Variants in COL4A1 observed in about 807,000 individuals in gnomAD.
The protein encoded by COL4A1 is collagen type IV alpha 1 chain.
Under a neutral mutation model 216.6 loss-of-function variants are expected in COL4A1, and 40 were observed. That is an observed-to-expected ratio of 0.18 (90% confidence interval 0.14 to 0.24). The LOEUF is 0.24. Among genes scored for constraint, COL4A1 ranks in the 10% least tolerant of loss-of-function variants. The probability of loss-of-function intolerance (pLI) is 1.00; values close to 1 mark genes in which losing one functional copy is unlikely to be tolerated. For synonymous variants in COL4A1, 839 were observed against 810.7 expected, an observed-to-expected ratio of 1.03 and a Z score of -0.59; for missense variants, 1,628 against 2,196.8, an observed-to-expected ratio of 0.74 and a Z score of 5.18.
chr13:110,304,062 T>G (rs756228498), intron 1 of COL4A1, among the ~76,000 whole-genome samples: 10 of 152,206 alleles, frequency 6.6e-5, no homozygotes, highest in Non-Finnish European at 8.8e-5. Flanking sequence ...CATTGATAAT[T>G]CTGTGAATCT....
At position 110,186,462 on chromosome 13, in the gene COL4A1, C is replaced by G. The variant is rs148781420; in HGVS notation, c.1820G>C (p.Gly607Ala). 6.2e-7 allele frequency: 1 copy of G among 1,613,812 alleles called. No homozygotes were observed. Among genetic ancestry groups the G allele is most frequent in the South Asian group, 1.1e-5 (1 of 91,072 alleles). The change falls in exon 26 of 52, where the codon GGA (glycine) becomes GCA (alanine). Residue 607 changes from glycine (G) to alanine (A), a missense_variant. Gly to Ala is a moderately conservative substitution (Grantham distance 60). Coordinates refer to ENST00000375820, the MANE Select transcript of COL4A1 (RefSeq NM_001845.6). ...RGDTGPPGPP[G>A]YGPAGPIGDK... Reference sequence around the variant, plus strand: ...ACCAATGGGACCAGCAGGACCATATCCTGGAGGCCCAGGGGGGCCGGTGTC... The same window carrying G: ...ACCAATGGGACCAGCAGGACCATATGCTGGAGGCCCAGGGGGGCCGGTGTC...
chr13:110,221,209 G>C (rs675605), intron 2 of COL4A1, among the ~76,000 whole-genome samples: 108,708 of 152,104 alleles, frequency 0.71, 38,981 homozygotes, highest in Middle Eastern at 0.82. Flanking sequence ...TCCAAAGCTA[G>C]AAGGCGATGG....
chr13:110,153,496 C>A (rs1215211362), intron 50 of COL4A1, among the ~76,000 whole-genome samples: 1 of 152,224 alleles, frequency 6.6e-6, no homozygotes, highest in Non-Finnish European at 1.5e-5. Context: ...CTCAATGCAA[C>A]TGTGGGCTTT....
chr13:110,260,133 G>A (rs1882755803), intron 1 of COL4A1, among the ~76,000 whole-genome samples: 1 of 152,100 alleles, frequency 6.6e-6, no homozygotes, highest in Non-Finnish European at 1.5e-5. Flanking sequence ...CCAAGACTGG[G>A]TAATTTATAA....
Position 110,198,078 on chromosome 13 carries a change from G to GTGTGTGTGTGT in COL4A1, c.1285+388_1285+389insACACACACACA, listed in dbSNP as rs1555305317. Among the ~76,000 whole-genome samples the GTGTGTGTGTGT allele has an allele frequency of 3.0e-3, 426 of 141,928 alleles. 2 individuals carry two copies. The highest frequency in any genetic ancestry group is 9.7e-3 in the East Asian group (46 of 4,742). The allele number at this position is 141,928 out of a possible 152,430, so 93.1% of individuals were successfully genotyped here. A position where few individuals can be genotyped will look rare whatever the true frequency, so the allele number is the denominator to read the frequency against. On this transcript the variant is annotated intron_variant, in intron 21 of 51. Coordinates refer to ENST00000375820, the MANE Select transcript of COL4A1 (RefSeq NM_001845.6). ...GTAATCCTGTCTTCCTTGTTTCTGGGGTGTGTGTGTGTGTGTGTGTGTGTG... is the reference window on the plus strand; with the variant it reads ...GTAATCCTGTCTTCCTTGTTTCTGGGTGTGTGTGTGTGTGTGTGTGTGTGTGTGTGTGTGTG...
chr13:110,247,193 TATA>T (rs1195257496), intron 1 of COL4A1, among the ~76,000 whole-genome samples: 2 of 152,030 alleles, frequency 1.3e-5, no homozygotes, highest in Admixed American at 6.6e-5. Flanking sequence ...GCCTACAGAG[TATA>T]ATAAGTTGTC....
chr13:110,252,540 G>A (rs1435458910), intron 1 of COL4A1, among the ~76,000 whole-genome samples: 2 of 8,390 alleles, frequency 2.4e-4, no homozygotes, highest in African/African-American at 6.8e-4. Flanking sequence ...ACGTATATAT[G>A]TATTATATAT....
rs747439949 is a variant in COL4A1, at chr13:110,176,601, T to C, written c.2968+25A>G. 3.7e-6 allele frequency: 6 copies of C among 1,608,538 alleles called. No individual in the cohort carries two copies. The Admixed American group carries it at 1.0e-4, about 27-fold the overall frequency. ...GCCTCATCCTGAGCCCTTGCCACAC[T>C]GGGGACCGGAGCTCCACACTGTACC... On this transcript the variant is annotated intron_variant, in intron 35 of 51. Coordinates refer to ENST00000375820, the MANE Select transcript of COL4A1 (RefSeq NM_001845.6).
At chr13:110,195,979 G>A (rs1878869211) in intron 21 of COL4A1, among the ~76,000 whole-genome samples, 1 of 152,186 alleles carries the variant, frequency 6.6e-6, no homozygotes, top group South Asian at 2.1e-4. Flanking sequence ...GCCCCAGGGT[G>A]TGGAGTGGGG....
intron 1 of COL4A1, among the ~76,000 whole-genome samples, chr13:110,300,098 A>G (rs1884432756): frequency 6.6e-6 from 1 of 152,212 alleles, no homozygotes; most frequent in Non-Finnish European, 1.5e-5. Context: ...TAATAGCCAA[A>G]TCTTCCACCA....
chr13:110,220,350 C>T (rs568601311), intron 2 of COL4A1, among the ~76,000 whole-genome samples: 74 of 152,258 alleles, frequency 4.9e-4, no homozygotes, highest in African/African-American at 1.6e-3. Context: ...CACTGGCCTA[C>T]GTTAGGCAAA....
rs1878692523 is a variant in COL4A1, at chr13:110,192,692, G to T, written c.1465+138C>A. 8.9e-6 allele frequency: 6 copies of T among 677,594 alleles called. No homozygotes were observed. In the East Asian group the frequency reaches 1.6e-4, roughly 18 times the overall value. 42.0% of individuals were successfully genotyped at this position (677,594 alleles called of 1,614,324 possible). On this transcript the variant is annotated intron_variant, in intron 23 of 51. Coordinates refer to ENST00000375820, the MANE Select transcript of COL4A1 (RefSeq NM_001845.6). The stretch of plus-strand genomic sequence containing the variant: ...AATGTGGACAAATCCTGGAAGTGGG[G>T]CCCAACATTCTTCTGATTATGCTTT...
chr13:110,211,981 G>A lies in COL4A1; in HGVS notation c.388-59C>T, dbSNP rs1482363201. 5 of 1,474,722 alleles carry A rather than the reference G, an allele frequency of 3.4e-6. No homozygotes were observed. Among genetic ancestry groups the A allele is most frequent in the Non-Finnish European group, 4.7e-6 (5 of 1,052,988 alleles). The allele number at this position is 1,474,722 out of a possible 1,614,324, so 91.4% of individuals were successfully genotyped here. On this transcript the variant is annotated intron_variant, in intron 6 of 51. Transcript: ENST00000375820. This position sits in a 1 kb window ranked among gnomAD's most constrained non-coding sequence, Gnocchi z 4.3. ...TGTGTGTGGCAGACACATCAGCCCT[G>A]ACATCGCATGCATCACTCTGCCCTA...
Position 110,149,415 on chromosome 13 carries a change from T to G in COL4A1, c.*948A>C, listed in dbSNP as rs1404497962. 1 of 154,532 alleles carries G rather than the reference T, an allele frequency of 6.5e-6. No individual in the cohort carries two copies. Among genetic ancestry groups the G allele is most frequent in the Non-Finnish European group, 1.5e-5 (1 of 68,228 alleles). 9.6% of individuals were successfully genotyped at this position (154,532 alleles called of 1,614,324 possible). On this transcript the variant is annotated 3_prime_UTR_variant, in exon 52 of 52. Coordinates refer to ENST00000375820, the MANE Select transcript of COL4A1 (RefSeq NM_001845.6). Reference sequence around the variant, plus strand: ...GAAGTCAAGTCATTCAGTTTGTGATTAGTGTTTAAAACCCTGAAAATATTT... The same window carrying G: ...GAAGTCAAGTCATTCAGTTTGTGATGAGTGTTTAAAACCCTGAAAATATTT...
chr13:110,152,447 C>T lies in COL4A1; in HGVS notation c.4815G>A (p.Leu1605=). Residue 1605 remains leucine (L), a synonymous_variant, in exon 51 of 52, where the codon CTG becomes CTA. Coordinates refer to ENST00000375820, the MANE Select transcript of COL4A1 (RefSeq NM_001845.6). The stretch of plus-strand genomic sequence containing the variant: ...TGAATGGCGCACTTCTAAACTCCTC[C>T]AGGCAGGAGCCGGGGGACGCCAGGG... ...GQALASPGSC[L]EEFRSAPFIE... 6.2e-7 allele frequency: 1 copy of T among 1,614,156 alleles called. No homozygotes were observed. The highest frequency in any genetic ancestry group is 8.5e-7 in the Non-Finnish European group (1 of 1,180,044).
chr13:110,257,949 A>C (rs1882651814), intron 1 of COL4A1, among the ~76,000 whole-genome samples: 1 of 152,262 alleles, frequency 6.6e-6, no homozygotes, highest in African/African-American at 2.4e-5. Context: ...TGGAAAATAT[A>C]ATTCATTCCA....
intron 1 of COL4A1, among the ~76,000 whole-genome samples, chr13:110,249,655 G>A (rs1881990112): frequency 6.6e-6 from 1 of 152,154 alleles, no homozygotes; most frequent in Admixed American, 6.6e-5. Context: ...TCCGTAGTCT[G>A]GGTTCACTGC....
At chr13:110,230,332 G>A (rs1172795203) in intron 2 of COL4A1, among the ~76,000 whole-genome samples, 3 of 151,950 alleles carry the variant, frequency 2.0e-5, no homozygotes, top group South Asian at 2.1e-4. Flanking sequence ...GTGCATGCAC[G>A]TGATGTGTGC....
chr13:110,214,102 T>C, intron 2 of COL4A1, 87 bp from the exon 3 acceptor site: 12 of 1,095,154 alleles, frequency 1.1e-5, no homozygotes, highest in Non-Finnish European at 1.7e-5. Context: ...GCTATATATA[T>C]ATTTTTTTTG....
Sources: allele counts gnomAD v4.1 joint callset (sites outside exome capture counted in the v4.1 genomes callset), GRCh38; gene constraint gnomAD v4.1.1; non-coding constraint Gnocchi (gnomAD v3.1); transcripts MANE v1.5; gene names NCBI Gene and HGNC (gene_info 2026-07-23, HGNC 2026-07-21).